TMEM132D: variants seen among roughly 807,000 people sequenced by gnomAD.
TMEM132D encodes transmembrane protein 132D.
In TMEM132D, 21 loss-of-function variants were observed where a neutral mutation model predicts 62.3. That is an observed-to-expected ratio of 0.34 (90% CI 0.24 to 0.49). The LOEUF is 0.49. Among genes scored for constraint, TMEM132D ranks in the 20% least tolerant of loss-of-function variants. The probability of loss-of-function intolerance (pLI) is 0.99; values close to 1 mark genes in which losing one functional copy is unlikely to be tolerated. For missense variants in TMEM132D, 1,346 were observed against 1,402.8 expected, an observed-to-expected ratio of 0.96 and a Z score of 0.65; for synonymous variants, 621 against 575.6, an observed-to-expected ratio of 1.08 and a Z score of -1.13.
intron 5 of TMEM132D, among the ~76,000 whole-genome samples, chr12:129,114,408 C>T (rs1875822679): frequency 6.6e-6 from 1 of 151,382 alleles, no homozygotes. Flanking sequence ...TTCCCTCCTT[C>T]CCTCCTTCCC....
At chr12:129,514,161 G>A (rs78779271) in intron 3 of TMEM132D, among the ~76,000 whole-genome samples, 8 of 152,138 alleles carry the variant, frequency 5.3e-5, no homozygotes, top group African/African-American at 1.9e-4. Context: ...ATTTTAATAT[G>A]AATTTTGATG....
chr12:129,196,084 G>A (rs140569150), intron 5 of TMEM132D, among the ~76,000 whole-genome samples: 2,665 of 152,008 alleles, frequency 0.018, 71 homozygotes, highest in African/African-American at 0.06. Context: ...CTGAGATGGC[G>A]CCACTGCACT....
At chr12:129,112,220 C>A (rs149872137) in intron 5 of TMEM132D, among the ~76,000 whole-genome samples, 108 of 152,262 alleles carry the variant, frequency 7.1e-4, no homozygotes, top group African/African-American at 2.4e-3. Context: ...TGAGGCCTGC[C>A]TGGATGCATT....
At chr12:129,607,322 G>A (rs776072439) in intron 2 of TMEM132D, among the ~76,000 whole-genome samples, 12 of 152,112 alleles carry the variant, frequency 7.9e-5, no homozygotes, top group Admixed American at 5.2e-4. Context: ...CTCATTCCTC[G>A]CAGCAAAAAC....
At chr12:129,617,227 G>A (rs1878943256) in intron 2 of TMEM132D, among the ~76,000 whole-genome samples, 2 of 152,206 alleles carry the variant, frequency 1.3e-5, no homozygotes, top group African/African-American at 4.8e-5. Flanking sequence ...CACTGGCTTT[G>A]CTTACAAAGG....
At chr12:129,895,825 A>T (rs944758621) in intron 1 of TMEM132D, among the ~76,000 whole-genome samples, 11 of 151,892 alleles carry the variant, frequency 7.2e-5, no homozygotes, top group African/African-American at 2.7e-4. Context: ...TAGTAAAAAA[A>T]AAAAATTACT....
At chr12:129,126,564 T>C (rs989983921) in intron 5 of TMEM132D, among the ~76,000 whole-genome samples, 3 of 152,158 alleles carry the variant, frequency 2.0e-5, no homozygotes, top group African/African-American at 7.2e-5. Flanking sequence ...TGGAGGGATC[T>C]GGCTAATTGA....
intron 3 of TMEM132D, among the ~76,000 whole-genome samples, chr12:129,511,122 A>G (rs886418040): frequency 6.6e-6 from 1 of 152,204 alleles, no homozygotes; most frequent in African/African-American, 2.4e-5. Context: ...TAAATACATC[A>G]TAATAGTGAT....
In TMEM132D at chr12:129,400,868, G is replaced by A. The variant is rs150207808; in HGVS notation, c.1116-63051C>T. 2.4e-4 allele frequency among the ~76,000 whole-genome samples: 36 copies of A among 152,288 alleles called. No individual in the cohort carries two copies. In the East Asian group the frequency reaches 5.2e-3, roughly 22 times the overall value. On this transcript the variant is annotated intron_variant, in intron 3 of 8. Coordinates refer to ENST00000422113, the MANE Select transcript of TMEM132D (RefSeq NM_133448.3). ...GTGTGAAAAATGTGAGTCATATCAC[G>A]TTGGTCATTTAGAAAGTATTCAATG...
At chr12:129,316,050 G>A (rs1457448086) in intron 4 of TMEM132D, among the ~76,000 whole-genome samples, 3 of 151,974 alleles carry the variant, frequency 2.0e-5, no homozygotes, top group African/African-American at 7.2e-5. Flanking sequence ...GGTTAATCTT[G>A]CTAATGGCCT....
chr12:129,309,602 G>T (rs144857216), intron 4 of TMEM132D, among the ~76,000 whole-genome samples: 1 of 152,268 alleles, frequency 6.6e-6, no homozygotes, highest in African/African-American at 2.4e-5. Flanking sequence ...ACTCAGAGGA[G>T]AGTTGCACTT....
intron 4 of TMEM132D, among the ~76,000 whole-genome samples, chr12:129,281,673 G>A (rs1881157341): frequency 6.6e-6 from 1 of 152,146 alleles, no homozygotes; most frequent in South Asian, 2.1e-4. Flanking sequence ...CTCTATGATT[G>A]CATAAACAGT....
intron 3 of TMEM132D, among the ~76,000 whole-genome samples, chr12:129,457,353 C>T (rs556985013): frequency 6.8e-6 from 1 of 147,086 alleles, no homozygotes; most frequent in Non-Finnish European, 1.5e-5. Context: ...AAAAACCAAA[C>T]ACCGCATGTT....
intron 5 of TMEM132D, among the ~76,000 whole-genome samples, chr12:129,173,238 A>C (rs1877788672): frequency 6.6e-6 from 1 of 152,192 alleles, no homozygotes; most frequent in South Asian, 2.1e-4. Context: ...AATATCTTGG[A>C]AGCAGAGTAA....
At chr12:129,585,280 C>A (rs1046976946) in intron 2 of TMEM132D, among the ~76,000 whole-genome samples, 2 of 152,176 alleles carry the variant, frequency 1.3e-5, no homozygotes, top group Admixed American at 1.3e-4. Context: ...CCATGTTCTA[C>A]ATAGCCAAGG....
intron 5 of TMEM132D, among the ~76,000 whole-genome samples, chr12:129,165,503 G>A (rs1877517318): frequency 6.6e-6 from 1 of 152,166 alleles, no homozygotes; most frequent in African/African-American, 2.4e-5. Context: ...TGAATAGATA[G>A]GTGTGTGACA....
chr12:129,624,659 C>G (rs1273174808), intron 2 of TMEM132D, among the ~76,000 whole-genome samples: 2 of 152,286 alleles, frequency 1.3e-5, no homozygotes, highest in African/African-American at 4.8e-5. Flanking sequence ...GATCTCCTGC[C>G]AGTGCCTCCC....
chr12:129,176,699 T>C (rs1877915551), intron 5 of TMEM132D, among the ~76,000 whole-genome samples: 1 of 152,192 alleles, frequency 6.6e-6, no homozygotes, highest in Admixed American at 6.5e-5. Context: ...GGACATGAAA[T>C]GTCTTCCTGT....
At chr12:129,178,347 A>G (rs1482484928) in intron 5 of TMEM132D, among the ~76,000 whole-genome samples, 2 of 151,910 alleles carry the variant, frequency 1.3e-5, no homozygotes, top group East Asian at 1.9e-4. Flanking sequence ...GAATCACCGC[A>G]CTGTCTTCCA....
Sources: allele counts gnomAD v4.1 joint callset (sites outside exome capture counted in the v4.1 genomes callset), GRCh38; gene constraint gnomAD v4.1.1; transcripts MANE v1.5; gene names NCBI Gene and HGNC (gene_info 2026-07-23, HGNC 2026-07-21).